Variants in HDAC9 observed in about 807,000 individuals in gnomAD.
HDAC9 encodes the protein MEF-2 interacting transcription repressor (MITR) protein.
Under a neutral mutation model 139.4 loss-of-function variants are expected in HDAC9, and 41 were observed. That is an observed-to-expected ratio of 0.29 (90% CI 0.23 to 0.38). The LOEUF is 0.38. HDAC9 is among the 10% of genes least tolerant of loss of function. The probability of loss-of-function intolerance (pLI) is 1.00; values close to 1 mark genes in which losing one functional copy is unlikely to be tolerated. For synonymous variants in HDAC9, 517 were observed against 476.2 expected, an observed-to-expected ratio of 1.09 and a Z score of -1.12; for missense variants, 1,147 against 1,297.0, an observed-to-expected ratio of 0.88 and a Z score of 1.78.
chr7:18,921,912 GT>G (rs1245203318), intron 22 of HDAC9, among the ~76,000 whole-genome samples: 9 of 152,090 alleles, frequency 5.9e-5, no homozygotes, highest in Non-Finnish European at 4.4e-5. Flanking sequence ...CAAAGGATGA[GT>G]TCATGTCCTT....
chr7:18,898,433 G>A (rs1353632167), intron 22 of HDAC9, among the ~76,000 whole-genome samples: 3 of 151,870 alleles, frequency 2.0e-5, no homozygotes, highest in African/African-American at 7.2e-5. Flanking sequence ...TATATTTTCA[G>A]AAAAATAATG....
At chr7:18,224,511 C>T (rs769490786) in intron 2 of HDAC9, among the ~76,000 whole-genome samples, 4 of 152,108 alleles carry the variant, frequency 2.6e-5, no homozygotes, top group Admixed American at 6.6e-5. Flanking sequence ...AATTAACCTC[C>T]GCAAACAGGT....
intron 2 of HDAC9, among the ~76,000 whole-genome samples, chr7:18,165,878 T>G (rs549245425): frequency 3.9e-5 from 6 of 151,956 alleles, no homozygotes. Context: ...AACATTCTAG[T>G]GGCTTTGCGT....
intron 1 of HDAC9, among the ~76,000 whole-genome samples, chr7:18,488,231 G>A (rs1477410800): frequency 6.6e-6 from 1 of 151,958 alleles, no homozygotes; most frequent in Non-Finnish European, 1.5e-5. Flanking sequence ...CATAGGATGG[G>A]TTAGTCAGTG....
At chr7:18,275,440 A>G (rs1796655317) in intron 2 of HDAC9, among the ~76,000 whole-genome samples, 1 of 152,170 alleles carries the variant, frequency 6.6e-6, no homozygotes, top group African/African-American at 2.4e-5. Context: ...AGTATGAATC[A>G]TGTTGTATTA....
At chr7:18,567,185 C>T (rs751885704) in intron 2 of HDAC9, among the ~76,000 whole-genome samples, 20 of 152,128 alleles carry the variant, frequency 1.3e-4, no homozygotes, top group Non-Finnish European at 2.4e-4. Context: ...CCAAGTGAAC[C>T]GCCTACGTAA....
intron 2 of HDAC9, among the ~76,000 whole-genome samples, chr7:18,184,558 C>T (rs1291569054): frequency 1.3e-5 from 2 of 152,002 alleles, no homozygotes; most frequent in Non-Finnish European, 2.9e-5. Context: ...AATTTGTATA[C>T]CTGAGGTAAG....
At chr7:18,496,457 T>G in intron 2 of HDAC9, 133 bp downstream of exon 2, 1 of 734,244 alleles carries the variant, frequency 1.4e-6, no homozygotes, top group Non-Finnish European at 2.3e-6. Flanking sequence ...TCTTGGTGCG[T>G]CTGTAGGGTT....
At chr7:18,676,387 A>G (rs947692042) in intron 12 of HDAC9, among the ~76,000 whole-genome samples, 2 of 151,910 alleles carry the variant, frequency 1.3e-5, no homozygotes, top group Non-Finnish European at 2.9e-5. Context: ...TGCTCAAAGA[A>G]CTTAGAATGG....
At chr7:18,448,779 A>G (rs1792530547) in intron 1 of HDAC9, among the ~76,000 whole-genome samples, 1 of 152,182 alleles carries the variant, frequency 6.6e-6, no homozygotes, top group Non-Finnish European at 1.5e-5. Context: ...TTTTATTGCT[A>G]AAAGTGAGTT....
chr7:18,699,092 C>T (rs1783267045), intron 12 of HDAC9, among the ~76,000 whole-genome samples: 1 of 152,156 alleles, frequency 6.6e-6, no homozygotes, highest in African/African-American at 2.4e-5. Context: ...TCTGGGGTCT[C>T]AAATCCACAG....
chr7:18,959,462 A>G (rs767160631), intron 24 of HDAC9, among the ~76,000 whole-genome samples: 40 of 152,190 alleles, frequency 2.6e-4, no homozygotes, highest in Non-Finnish European at 5.0e-4. Context: ...TTGTGGATCA[A>G]GGAAACATAT....
In HDAC9 at chr7:18,993,406, C is replaced by T. The variant is rs571132550; in HGVS notation, c.3171-2617C>T. Among the ~76,000 whole-genome samples the T allele has an allele frequency of 2.0e-4, 31 of 152,232 alleles. No individual in the cohort carries two copies. The South Asian group carries it at 2.5e-3, about 12-fold the overall frequency. The stretch of plus-strand genomic sequence containing the variant: ...ACTGACTGATTCAAAGTCAAATTTT[C>T]GAAAGTAAAACAGCTGGGACTTGAA... On this transcript the variant is annotated intron_variant, in intron 25 of 25. Transcript: ENST00000686413.
Position 18,646,881 on chromosome 7 carries a change from T to A in HDAC9, c.1036-904T>A, listed in dbSNP as rs555063147. 8.5e-5 allele frequency among the ~76,000 whole-genome samples: 13 copies of A among 152,276 alleles called. No homozygotes were observed. The South Asian group carries it at 2.7e-3, about 32-fold the overall frequency. ...AAGTTCTTAATAGCATTTTTTGTAGTTTATTATACAAAATATCTAGAGTGT... is the reference window on the plus strand; with the variant it reads ...AAGTTCTTAATAGCATTTTTTGTAGATTATTATACAAAATATCTAGAGTGT... On this transcript the variant is annotated intron_variant, in intron 9 of 25. Coordinates refer to ENST00000686413, the MANE Select transcript of HDAC9 (RefSeq NM_178425.4).
At chr7:18,406,145 T>A (rs771327367) in intron 1 of HDAC9, among the ~76,000 whole-genome samples, 12 of 152,230 alleles carry the variant, frequency 7.9e-5, no homozygotes, top group Non-Finnish European at 1.2e-4. Flanking sequence ...TAGTATAACA[T>A]GAACAAGTGT....
At chr7:18,215,444 A>G (rs569537442) in intron 2 of HDAC9, among the ~76,000 whole-genome samples, 28 of 152,314 alleles carry the variant, frequency 1.8e-4, no homozygotes, top group African/African-American at 6.5e-4. Flanking sequence ...AAAGAACATG[A>G]TACATGAAAA....
chr7:18,440,960 G>T (rs568973436), intron 1 of HDAC9, among the ~76,000 whole-genome samples: 2 of 152,258 alleles, frequency 1.3e-5, no homozygotes, highest in South Asian at 4.1e-4. Flanking sequence ...GATATTAACT[G>T]CTTTAATTAA....
intron 22 of HDAC9, among the ~76,000 whole-genome samples, chr7:18,911,574 C>G (rs1397694775): frequency 6.6e-6 from 1 of 150,698 alleles, no homozygotes; most frequent in Non-Finnish European, 1.5e-5. Context: ...GTTTTTCTTG[C>G]TATTCTAGTT....
chr7:18,904,694 G>C (rs1448390953), intron 22 of HDAC9, among the ~76,000 whole-genome samples: 1 of 146,192 alleles, frequency 6.8e-6, no homozygotes, highest in Non-Finnish European at 1.5e-5. Context: ...TCCTGCCTCA[G>C]CCTTCCGAGT....
Sources: gnomAD v4.1 joint callset for allele counts (sites outside exome capture counted in the v4.1 genomes callset) on GRCh38, gnomAD v4.1.1 for gene constraint, MANE v1.5 for transcripts, NCBI Gene and HGNC (gene_info 2026-07-23, HGNC 2026-07-21) for gene names.